The following CFAP58 variants were observed in gnomAD, a reference collection of about 807,000 sequenced individuals.
CFAP58 encodes cilia and flagella associated protein 58.
CFAP58 carries 88 observed loss-of-function variants against 119.5 expected under a neutral mutation model. The observed-to-expected ratio is 0.74, with a 90% CI of 0.62 to 0.88. The LOEUF (loss-of-function observed/expected upper bound fraction) is 0.88. Ranked by LOEUF, CFAP58 falls within the 40% of genes least tolerant of loss-of-function variation. The probability of loss-of-function intolerance (pLI) is 0.00; values close to 1 mark genes in which losing one functional copy is unlikely to be tolerated. For synonymous variants in CFAP58, 365 were observed against 366.3 expected (o/e 1.00, Z 0.04); for missense variants, 990 against 1,021.2 (o/e 0.97, Z 0.42).
chr10:104,395,122 A>G (rs2012125092), intron 11 of CFAP58, among the ~76,000 whole-genome samples: 1 of 152,212 alleles, frequency 6.6e-6, no homozygotes, highest in African/African-American at 2.4e-5. Flanking sequence ...CTGCTTTAGA[A>G]CAAGTGTCCT....
chr10:104,444,089 T>C (rs2013078085), intron 15 of CFAP58, among the ~76,000 whole-genome samples: 1 of 152,182 alleles, frequency 6.6e-6, no homozygotes, highest in Admixed American at 6.5e-5. Flanking sequence ...AGTATTTTGG[T>C]ATTAGTAGTT....
chr10:104,444,309 A>C (rs957899306), intron 15 of CFAP58, among the ~76,000 whole-genome samples: 1 of 152,244 alleles, frequency 6.6e-6, no homozygotes, highest in African/African-American at 2.4e-5. Context: ...TAATTGACTA[A>C]AGAGAAATGG....
Position 104,353,838 on chromosome 10 carries a change from C to T in CFAP58, c.-60C>T, listed in dbSNP as rs1190759424. 1 of 1,585,634 alleles carries T rather than the reference C, an allele frequency of 6.3e-7. No homozygotes were observed. Among genetic ancestry groups the T allele is most frequent in the Non-Finnish European group, 8.6e-7 (1 of 1,160,104 alleles). On this transcript the variant is annotated 5_prime_UTR_variant, in exon 1 of 18. Coordinates refer to ENST00000369704, the MANE Select transcript of CFAP58 (RefSeq NM_001008723.2). ...GCGCCTTTAGCTTCTTTCCCAGACT[C>T]CGGCCCAGCTCCTGCGATCTCCACA...
chr10:104,372,943 C>T (rs1436188533), intron 7 of CFAP58, among the ~76,000 whole-genome samples: 1 of 152,120 alleles, frequency 6.6e-6, no homozygotes, highest in Non-Finnish European at 1.5e-5. Context: ...ATGGGTCTCC[C>T]TCCTACATGT....
chr10:104,357,954 T>TGTACATATAC (rs1554912617), intron 1 of CFAP58, among the ~76,000 whole-genome samples: 1 of 107,864 alleles, frequency 9.3e-6, no homozygotes, highest in African/African-American at 5.8e-5. Context: ...TACACATATA[T>TGTACATATAC]ACACATATAT....
intron 13 of CFAP58, 83 bp from the exon 14 acceptor site, chr10:104,403,646 A>G (rs2012306501): frequency 1.2e-6 from 1 of 841,152 alleles, no homozygotes. Context: ...TATAAGACAT[A>G]GTGTGTATGC....
chr10:104,407,758 G>A (rs765808972), intron 15 of CFAP58, among the ~76,000 whole-genome samples: 5 of 152,178 alleles, frequency 3.3e-5, no homozygotes, highest in South Asian at 2.1e-4. Flanking sequence ...GTGCAGTGGC[G>A]CCATCTCGGT....
intron 4 of CFAP58, 54 bp from the exon 5 acceptor site, chr10:104,365,760 C>T: frequency 6.7e-7 from 1 of 1,500,066 alleles, no homozygotes; most frequent in Non-Finnish European, 8.9e-7. Flanking sequence ...CTGGCTGAGA[C>T]CTGCCATGGT....
chr10:104,357,855 A>ATGTACATATATACACATATATG (rs1225155908), intron 1 of CFAP58, among the ~76,000 whole-genome samples: 25 of 46,774 alleles, frequency 5.3e-4, no homozygotes, highest in African/African-American at 2.2e-3. Context: ...GTACACATAT[A>ATGTACATATATACACATATATG]TACACATATA....
chr10:104,396,357 A>T (rs1391870892), intron 11 of CFAP58, among the ~76,000 whole-genome samples: 1 of 138,368 alleles, frequency 7.2e-6, no homozygotes, highest in African/African-American at 2.7e-5. Flanking sequence ...ATGGATAGGG[A>T]GCTGTTATCC....
At chr10:104,386,253 C>T (rs1449067922) in intron 9 of CFAP58, among the ~76,000 whole-genome samples, 1 of 151,304 alleles carries the variant, frequency 6.6e-6, no homozygotes, top group South Asian at 2.1e-4. Context: ...TGGTGGGCAC[C>T]TGTAATCCCA....
intron 15 of CFAP58, among the ~76,000 whole-genome samples, chr10:104,419,267 C>T (rs1281369978): frequency 6.6e-6 from 1 of 152,040 alleles, no homozygotes; most frequent in Non-Finnish European, 1.5e-5. Flanking sequence ...CTTCTACCTA[C>T]TTGGTTTGCC....
At chr10:104,369,873 T>A (rs1371143810) in intron 6 of CFAP58, among the ~76,000 whole-genome samples, 5 of 152,202 alleles carry the variant, frequency 3.3e-5, no homozygotes, top group Non-Finnish European at 7.3e-5. Flanking sequence ...GGCAAAATTT[T>A]AAAAAAGTGA....
chr10:104,357,909 A>ATG lies in CFAP58; in HGVS notation c.10-432_10-431insTG, dbSNP rs199954669. Among the ~76,000 whole-genome samples, 265 of 107,948 alleles carry ATG rather than the reference A, an allele frequency of 2.5e-3. 2 individuals are homozygous for ATG. The highest frequency in any genetic ancestry group is 0.021 in the East Asian group (93 of 4,446). 70.8% of individuals were successfully genotyped at this position (107,948 alleles called of 152,430 possible). A position where few individuals can be genotyped will look rare whatever the true frequency, so the allele number is the denominator to read the frequency against. On this transcript the variant is annotated intron_variant, in intron 1 of 17. Coordinates refer to ENST00000369704, the MANE Select transcript of CFAP58 (RefSeq NM_001008723.2). ...TATATAAACATATATGTACACATATACACACATATATGTACACATATACAC... is the reference window on the plus strand; with the variant it reads ...TATATAAACATATATGTACACATATATGCACACATATATGTACACATATACAC...
intron 12 of CFAP58, 119 bp from the exon 13 acceptor site, chr10:104,400,561 C>G (rs1444946169): frequency 8.2e-5 from 65 of 794,840 alleles, no homozygotes; most frequent in Non-Finnish European, 4.3e-6. Flanking sequence ...GTGCCCAGCC[C>G]ATGTGGTGCC....
chr10:104,342,891 C>T, the CFAP58 span, among the ~76,000 whole-genome samples: 7 of 146,258 alleles, frequency 4.8e-5, no homozygotes, highest in African/African-American at 1.5e-4. Flanking sequence ...AAAGTCTGAA[C>T]CAACTGCAGG....
At position 104,363,454 on chromosome 10, in the gene CFAP58, G is replaced by A. The variant is rs538263553; in HGVS notation, c.441-1279G>A. Among the ~76,000 whole-genome samples, 62 of 152,180 alleles carry A rather than the reference G, an allele frequency of 4.1e-4. 1 individual carries two copies. The highest frequency in any genetic ancestry group is 3.7e-3 in the Admixed American group (56 of 15,276). On this transcript the variant is annotated intron_variant, in intron 3 of 17. Coordinates refer to ENST00000369704, the MANE Select transcript of CFAP58 (RefSeq NM_001008723.2). ...AGTTCTAAGTACAGGTGTTGGGAGA[G>A]GGAATAGGAAATAAAAACAGAAAAT...
chr10:104,438,358 TTTGTTTTTTTTTTTTG>T (rs1564904833), intron 15 of CFAP58, among the ~76,000 whole-genome samples: 14 of 82,478 alleles, frequency 1.7e-4, no homozygotes, highest in African/African-American at 6.3e-4. Context: ...GTTTTTTTTT[TTTGTTTTTTTTTTTTG>T]TTTTTTTTTT....
Position 104,353,923 on chromosome 10 carries a change from C to G in CFAP58, c.9+17C>G. The G allele has an allele frequency of 1.2e-6, 2 of 1,613,534 alleles. No homozygotes were observed. The highest frequency in any genetic ancestry group is 1.1e-5 in the South Asian group (1 of 91,068). ...ATGGCTGAGGTCAGGAGTCAGCGCC[C>G]CTCTGTCGCCTTTCCCTTGACCCCT... On this transcript the variant is annotated intron_variant, in intron 1 of 17. Coordinates refer to ENST00000369704, the MANE Select transcript of CFAP58 (RefSeq NM_001008723.2).
Sources: allele counts gnomAD v4.1 joint callset (sites outside exome capture counted in the v4.1 genomes callset), GRCh38; gene constraint gnomAD v4.1.1; transcripts MANE v1.5; gene names NCBI Gene and HGNC (gene_info 2026-07-23, HGNC 2026-07-21).